The following RNF169 variants were observed in gnomAD, a reference collection of about 807,000 sequenced individuals.
The protein encoded by RNF169 is ring finger protein 169, also known as E3 ubiquitin-protein ligase RNF169.
RNF169 carries 24 observed loss-of-function variants against 53.9 expected under a neutral mutation model. The observed-to-expected ratio is 0.45, with a 90% confidence interval of 0.32 to 0.63. RNF169 has a LOEUF of 0.63. Among genes scored for constraint, RNF169 ranks in the 20% least tolerant of loss-of-function variants. RNF169 has a pLI of 0.04. For synonymous variants in RNF169, 396 were observed against 363.5 expected (o/e 1.09, Z -1.02); for missense variants, 883 against 906.2 (o/e 0.97, Z 0.33).
intron 1 of RNF169, among the ~76,000 whole-genome samples, chr11:74,789,324 G>C (rs2035548504): frequency 6.6e-6 from 1 of 152,124 alleles, no homozygotes; most frequent in African/African-American, 2.4e-5. Context: ...GCAACTTTTT[G>C]GGGAGACTAT....
Position 74,841,584 on chromosome 11 carries a change from C to T in RNF169, c.*4854C>T, listed in dbSNP as rs1218069905. 1 of 152,086 alleles carries T rather than the reference C, an allele frequency of 6.6e-6. No individual in the cohort carries two copies. The highest frequency in any genetic ancestry group is 2.4e-5 in the African/African-American group (1 of 41,390). 9.4% of individuals were successfully genotyped at this position (152,086 alleles called of 1,614,324 possible). A position where few individuals can be genotyped will look rare whatever the true frequency, so the allele number is the denominator to read the frequency against. ...TTTGTGAGTAAATGCCTCCTTAATG[C>T]CTTTTAAGTAAGGTGGCAACTTTTA... On this transcript the variant is annotated 3_prime_UTR_variant, in exon 6 of 6. Transcript: ENST00000299563.
At chr11:74,793,619 C>G (rs1387529807) in intron 2 of RNF169, among the ~76,000 whole-genome samples, 1 of 152,152 alleles carries the variant, frequency 6.6e-6, no homozygotes, top group Admixed American at 6.5e-5. Flanking sequence ...ACTGAGGGGC[C>G]TACTAAGGAC....
At chr11:74,804,542 A>G (rs957382083) in intron 2 of RNF169, among the ~76,000 whole-genome samples, 5 of 152,212 alleles carry the variant, frequency 3.3e-5, no homozygotes, top group African/African-American at 1.2e-4. Context: ...TGCAACCACT[A>G]TCACTCACTG....
chr11:74,768,082 A>G (rs142276650), intron 1 of RNF169, among the ~76,000 whole-genome samples: 10 of 152,322 alleles, frequency 6.6e-5, no homozygotes, highest in Non-Finnish European at 1.5e-4. Context: ...GCTTTCTCAA[A>G]TATCAAGCTG....
At position 74,837,525 on chromosome 11, in the gene RNF169, C is replaced by T. The variant is rs1314398044; in HGVS notation, c.*795C>T. Reference sequence around the variant, plus strand: ...AGGGGAAGCTAGGCTGGGCATTGAACACTGATAGTGCAGAATCCACATGCA... The same window carrying T: ...AGGGGAAGCTAGGCTGGGCATTGAATACTGATAGTGCAGAATCCACATGCA... On this transcript the variant is annotated 3_prime_UTR_variant, in exon 6 of 6. Coordinates refer to ENST00000299563, the MANE Select transcript of RNF169 (RefSeq NM_001098638.2). The T allele has an allele frequency of 6.6e-6, 1 of 152,240 alleles. No individual in the cohort carries two copies. The highest frequency in any genetic ancestry group is 1.5e-5 in the Non-Finnish European group (1 of 68,058). The allele number at this position is 152,240 out of a possible 1,614,324, so 9.4% of individuals were successfully genotyped here.
At chr11:74,829,934 C>T (rs945039668) in intron 4 of RNF169, among the ~76,000 whole-genome samples, 1 of 152,104 alleles carries the variant, frequency 6.6e-6, no homozygotes, top group Non-Finnish European at 1.5e-5. Context: ...ATGGGATGAT[C>T]TGTGCAGCAA....
chr11:74,777,359 A>T (rs545304), intron 1 of RNF169, among the ~76,000 whole-genome samples: 43,938 of 152,056 alleles, frequency 0.29, 6,931 homozygotes, highest in South Asian at 0.42. Context: ...ATTTTGTATC[A>T]TGGTGGTGGT....
intron 2 of RNF169, among the ~76,000 whole-genome samples, chr11:74,795,407 C>A (rs2035634219): frequency 6.6e-6 from 1 of 152,016 alleles, no homozygotes; most frequent in Non-Finnish European, 1.5e-5. Flanking sequence ...TGGACTTGAA[C>A]CTCTGGGCTC....
chr11:74,783,949 T>A (rs1178935688), intron 1 of RNF169, among the ~76,000 whole-genome samples: 1 of 152,244 alleles, frequency 6.6e-6, no homozygotes, highest in Non-Finnish European at 1.5e-5. Flanking sequence ...ATACATGTTC[T>A]CCATTCATCT....
At chr11:74,754,266 C>T (rs189253615) in intron 1 of RNF169, among the ~76,000 whole-genome samples, 1 of 152,212 alleles carries the variant, frequency 6.6e-6, no homozygotes, top group East Asian at 1.9e-4. Context: ...AGATTTTGAA[C>T]TATACATTGC....
rs560183478 is a variant in RNF169, at chr11:74,789,669, A to G, written c.546A>G (p.Glu182=). 14 of 1,608,246 alleles carry G rather than the reference A, an allele frequency of 8.7e-6. No individual in the cohort carries two copies. The highest frequency in any genetic ancestry group is 5.0e-5 in the Admixed American group (3 of 59,980). ...RAPIKLSKPG[E]LREEYESLRK... ...CAATCAAATTAAGCAAGCCTGGGGAACTTCGTGAGGAATATGAAAGCTTGA... is the reference window on the plus strand; with the variant it reads ...CAATCAAATTAAGCAAGCCTGGGGAGCTTCGTGAGGAATATGAAAGCTTGA... The change falls in exon 2 of 6, where the codon GAA becomes GAG. Residue 182 remains glutamate (E), a synonymous_variant. Transcript: ENST00000299563.
rs2135160214 is a variant in RNF169 at position 74,839,046 on chromosome 11, C to A, written c.*2316C>A. 1 of 152,130 alleles carries A rather than the reference C, an allele frequency of 6.6e-6. No individual in the cohort carries two copies. The highest frequency in any genetic ancestry group is 6.5e-5 in the Admixed American group (1 of 15,280). The allele number at this position is 152,130 out of a possible 1,614,324, so 9.4% of individuals were successfully genotyped here. ...TAAAAGATATATATTTTAAATATTTCCCCAAATTAATACTTTCATTTTAAG... is the reference window on the plus strand; with the variant it reads ...TAAAAGATATATATTTTAAATATTTACCCAAATTAATACTTTCATTTTAAG... On this transcript the variant is annotated 3_prime_UTR_variant, in exon 6 of 6. Transcript: ENST00000299563.
At chr11:74,767,782 T>G (rs961380115) in intron 1 of RNF169, among the ~76,000 whole-genome samples, 4 of 152,080 alleles carry the variant, frequency 2.6e-5, no homozygotes, top group Non-Finnish European at 5.9e-5. Context: ...TTTCACCGTG[T>G]TAGCCAGGAT....
intron 2 of RNF169, among the ~76,000 whole-genome samples, chr11:74,800,006 A>G (rs1009828040): frequency 6.6e-6 from 1 of 150,922 alleles, no homozygotes; most frequent in African/African-American, 2.4e-5. Context: ...ATATAGATCT[A>G]TGTCAACATT....
At chr11:74,765,572 G>A (rs991380821) in intron 1 of RNF169, among the ~76,000 whole-genome samples, 6 of 152,100 alleles carry the variant, frequency 3.9e-5, no homozygotes, top group Admixed American at 1.3e-4. Flanking sequence ...AGGCCAAGGC[G>A]GGTGGATCAC....
At chr11:74,788,880 A>G (rs576557726) in intron 1 of RNF169, among the ~76,000 whole-genome samples, 33 of 152,274 alleles carry the variant, frequency 2.2e-4, no homozygotes, top group Non-Finnish European at 3.7e-4. Context: ...GGGCCACTAT[A>G]ATGGGGTTTG....
chr11:74,819,102 G>A (rs1471969898), intron 4 of RNF169, among the ~76,000 whole-genome samples: 1 of 150,838 alleles, frequency 6.6e-6, no homozygotes, highest in Non-Finnish European at 1.5e-5. Context: ...TAGTAATGCC[G>A]GTAATGCCAT....
At chr11:74,797,178 G>A (rs1390370878) in intron 2 of RNF169, among the ~76,000 whole-genome samples, 1 of 152,170 alleles carries the variant, frequency 6.6e-6, no homozygotes, top group African/African-American at 2.4e-5. Flanking sequence ...TCATTAACTT[G>A]TGAAGGGATA....
chr11:74,777,485 C>T (rs1280291322), intron 1 of RNF169, among the ~76,000 whole-genome samples: 1 of 152,104 alleles, frequency 6.6e-6, no homozygotes, highest in South Asian at 2.1e-4. Context: ...CTGTGACCTC[C>T]TTTATCATGT....
Sources: allele counts gnomAD v4.1 joint callset (sites outside exome capture counted in the v4.1 genomes callset), GRCh38; gene constraint gnomAD v4.1.1; transcripts MANE v1.5; gene names NCBI Gene and HGNC (gene_info 2026-07-23, HGNC 2026-07-21).